COA1: variants seen among roughly 807,000 people sequenced by gnomAD.
COA1 encodes cytochrome c oxidase assembly factor 1.
In COA1, 13 loss-of-function variants were observed where a neutral mutation model predicts 16.0. That is an observed-to-expected ratio of 0.81 (90% CI 0.53 to 1.29). COA1 has a LOEUF of 1.29. Among genes scored for constraint, COA1 ranks in the 50% most tolerant of loss-of-function variants. The probability of loss-of-function intolerance (pLI) is 0.00; values close to 1 mark genes in which losing one functional copy is unlikely to be tolerated. For synonymous variants in COA1, 65 were observed against 65.7 expected, an observed-to-expected ratio of 0.99 and a Z score of 0.05; for missense variants, 179 against 177.0, an observed-to-expected ratio of 1.01 and a Z score of -0.06.
intron 1 of COA1, among the ~76,000 whole-genome samples, chr7:43,722,149 G>A (rs2095519629): frequency 6.7e-6 from 1 of 150,368 alleles, no homozygotes; most frequent in Admixed American, 6.6e-5. Context: ...GGAGTGCAGT[G>A]GCGCCACTGC....
chr7:43,635,297 T>G (rs1208137364), downstream of COA1, among the ~76,000 whole-genome samples: 1 of 152,176 alleles, frequency 6.6e-6, no homozygotes, highest in Non-Finnish European at 1.5e-5. Context: ...TTGAACCACC[T>G]TTGCATTCCT....
intron 1 of COA1, 119 bp downstream of exon 1, chr7:43,729,310 C>T (rs1394815720): frequency 6.6e-6 from 1 of 152,284 alleles, no homozygotes; most frequent in African/African-American, 2.4e-5. Flanking sequence ...CGATGTGACC[C>T]GTGAGGGAAC....
intron 1 of COA1, among the ~76,000 whole-genome samples, chr7:43,716,854 T>A (rs2095406411): frequency 6.6e-6 from 1 of 152,176 alleles, no homozygotes; most frequent in Non-Finnish European, 1.5e-5. Context: ...GTGCCCTGTG[T>A]CCCAGCTACT....
At chr7:43,637,963 T>C, downstream of COA1, among the ~76,000 whole-genome samples, 1 of 152,108 alleles carries the variant, frequency 6.6e-6, no homozygotes, top group East Asian at 1.9e-4. Context: ...CCACATAAAT[T>C]CACAACATAT....
intron 1 of COA1, among the ~76,000 whole-genome samples, chr7:43,722,428 C>T (rs2095526610): frequency 6.6e-6 from 1 of 151,434 alleles, no homozygotes; most frequent in Admixed American, 6.6e-5. Context: ...AAACGAGAGT[C>T]TCGTTCTATC....
chr7:43,707,145 A>C (rs2095020881), intron 1 of COA1, among the ~76,000 whole-genome samples: 1 of 151,542 alleles, frequency 6.6e-6, no homozygotes, highest in East Asian at 2.0e-4. Flanking sequence ...AGCCAAGATC[A>C]CGCCACTGCA....
At chr7:43,684,253 T>G (rs1014613350) in intron 1 of COA1, among the ~76,000 whole-genome samples, 1 of 152,164 alleles carries the variant, frequency 6.6e-6, no homozygotes, top group African/African-American at 2.4e-5. Flanking sequence ...ACAACAGGGT[T>G]CGCACTCCTA....
intron 1 of COA1, among the ~76,000 whole-genome samples, chr7:43,669,623 T>C (rs2093130645): frequency 6.6e-6 from 1 of 152,140 alleles, no homozygotes; most frequent in South Asian, 2.1e-4. Context: ...AGCCTCCTCA[T>C]ATAAGCAGCC....
chr7:43,709,280 C>T (rs1432953401), intron 1 of COA1, among the ~76,000 whole-genome samples: 1 of 152,080 alleles, frequency 6.6e-6, no homozygotes, highest in African/African-American at 2.4e-5. Context: ...CCTGCCTCGG[C>T]CTCCCAAAGT....
intron 1 of COA1, among the ~76,000 whole-genome samples, chr7:43,713,087 G>C (rs1281090852): frequency 6.6e-6 from 1 of 152,090 alleles, no homozygotes; most frequent in African/African-American, 2.4e-5. Flanking sequence ...CAAATAGCTG[G>C]GATGACAGGA....
At chr7:43,705,695 A>G (rs908105810) in intron 1 of COA1, among the ~76,000 whole-genome samples, 2 of 151,996 alleles carry the variant, frequency 1.3e-5, no homozygotes, top group Non-Finnish European at 2.9e-5. Flanking sequence ...CCCACAACAA[A>G]CCCTCTGGGC....
chr7:43,653,299 G>A (rs950937076), intron 1 of COA1, among the ~76,000 whole-genome samples: 1 of 150,304 alleles, frequency 6.7e-6, no homozygotes, highest in Non-Finnish European at 1.5e-5. Flanking sequence ...GCGACAAAGC[G>A]ACACTCCGTC....
intron 1 of COA1, among the ~76,000 whole-genome samples, chr7:43,720,092 A>T (rs1563483317): frequency 6.6e-6 from 1 of 152,190 alleles, no homozygotes; most frequent in African/African-American, 2.4e-5. Context: ...CAGCCTGGCC[A>T]ACATGGTGAA....
chr7:43,690,484 T>G (rs2094228131), intron 1 of COA1, among the ~76,000 whole-genome samples: 1 of 152,052 alleles, frequency 6.6e-6, no homozygotes, highest in African/African-American at 2.4e-5. Context: ...CACACATACA[T>G]ATATACACCA....
At chr7:43,637,909 T>A (rs923470570), downstream of COA1, among the ~76,000 whole-genome samples, 7 of 152,128 alleles carry the variant, frequency 4.6e-5, no homozygotes, top group African/African-American at 1.7e-4. Context: ...ATTCAAACAC[T>A]AAGATAAAGT....
chr7:43,710,375 A>AAAAAAAATATAGATATATATAT (rs761592421), intron 1 of COA1, among the ~76,000 whole-genome samples: 1 of 36,434 alleles, frequency 2.7e-5, no homozygotes, highest in Non-Finnish European at 4.7e-5. Flanking sequence ...AAAAAAAAAA[A>AAAAAAAATATAGATATATATAT]ATATATATAT....
intron 6 of COA1, among the ~76,000 whole-genome samples, chr7:43,620,711 G>C (rs1441542032): frequency 6.6e-6 from 1 of 151,996 alleles, no homozygotes; most frequent in East Asian, 1.9e-4. Flanking sequence ...TAAAATTTCA[G>C]TGGTGAAATA....
intron 1 of COA1, among the ~76,000 whole-genome samples, chr7:43,683,371 G>A (rs1029108334): frequency 1.1e-4 from 16 of 152,114 alleles, no homozygotes; most frequent in Admixed American, 3.3e-4. Flanking sequence ...AGTGGCTCAC[G>A]CCTGTAATCG....
At chr7:43,725,758 C>G (rs2095604527) in intron 1 of COA1, among the ~76,000 whole-genome samples, 1 of 151,908 alleles carries the variant, frequency 6.6e-6, no homozygotes, top group Non-Finnish European at 1.5e-5. Flanking sequence ...ACTCAGGAGG[C>G]TGGGGCAGGA....
Sources: gnomAD v4.1 joint callset for allele counts (sites outside exome capture counted in the v4.1 genomes callset) on GRCh38, gnomAD v4.1.1 for gene constraint, MANE v1.5 for transcripts, NCBI Gene and HGNC (gene_info 2026-07-23, HGNC 2026-07-21) for gene names.